GABRA3: variants seen among roughly 807,000 people sequenced by gnomAD.
GABRA3 encodes gamma-aminobutyric acid receptor subunit alpha-3.
A neutral mutation model predicts 30.1 loss-of-function variants in GABRA3; 10 were observed. That is an observed-to-expected ratio of 0.33 (90% confidence interval 0.20 to 0.56). GABRA3 has a LOEUF of 0.56. GABRA3 is among the 20% of genes least tolerant of loss of function. The probability of loss-of-function intolerance (pLI) is 0.89; values close to 1 mark genes in which losing one functional copy is unlikely to be tolerated. For missense variants in GABRA3, 233 were observed against 392.0 expected, an observed-to-expected ratio of 0.59 and a Z score of 3.42; for synonymous variants, 151 against 146.8, an observed-to-expected ratio of 1.03 and a Z score of -0.21.
chrX:152,266,432 C>G (rs764187525), intron 4 of GABRA3, among the ~76,000 whole-genome samples: 1 of 112,048 alleles, frequency 8.9e-6, no homozygotes, highest in African/African-American at 3.2e-5. Context: ...AATTCAACAT[C>G]CCTTCATCAT....
chrX:152,339,408 G>A (rs1031658710), intron 3 of GABRA3, among the ~76,000 whole-genome samples: 5 of 109,977 alleles, frequency 4.5e-5, no homozygotes, highest in Non-Finnish European at 7.6e-5. Context: ...TAGTAGAGAC[G>A]GGGTTTCACC....
At chrX:152,449,604 C>G (rs970545975) in intron 1 of GABRA3, among the ~76,000 whole-genome samples, 1 of 111,174 alleles carries the variant, frequency 9.0e-6, no homozygotes, top group African/African-American at 3.3e-5. Flanking sequence ...TGAAGCCCGG[C>G]TCCAGGCTGA....
chrX:152,417,576 G>A (rs1446288858), intron 1 of GABRA3, among the ~76,000 whole-genome samples: 8 of 91,541 alleles, frequency 8.7e-5, no homozygotes, highest in Admixed American at 2.5e-4. Context: ...ACATGCACAC[G>A]TATGTTTATT....
chrX:152,283,947 T>C (rs1939243290), intron 4 of GABRA3, among the ~76,000 whole-genome samples: 1 of 111,952 alleles, frequency 8.9e-6, no homozygotes, highest in Admixed American at 9.5e-5. Context: ...TTTTTGTGTC[T>C]CTAAATCATA....
chrX:152,173,012 C>A (rs930326378), intron 9 of GABRA3, among the ~76,000 whole-genome samples: 3 of 110,704 alleles, frequency 2.7e-5, no homozygotes, highest in African/African-American at 9.9e-5. Flanking sequence ...AAATCAGAGA[C>A]CCTGCCCTCA....
At chrX:152,450,988 A>ACCAG in intron 1 of GABRA3, among the ~76,000 whole-genome samples, 158 bp downstream of exon 1, 1 of 112,856 alleles carries the variant, frequency 8.9e-6, no homozygotes, top group South Asian at 3.6e-4. Flanking sequence ...CTGGGCTTCC[A>ACCAG]CCAGCCCCAC....
intron 1 of GABRA3, among the ~76,000 whole-genome samples, chrX:152,368,439 G>A (rs1026691293): frequency 9.0e-6 from 1 of 110,720 alleles, no homozygotes; most frequent in Non-Finnish European, 1.9e-5. Flanking sequence ...TGTACTATAG[G>A]TTCATCCATG....
intron 1 of GABRA3, among the ~76,000 whole-genome samples, chrX:152,400,116 T>C (rs1336223096): frequency 7.2e-5 from 8 of 111,717 alleles, no homozygotes; most frequent in Non-Finnish European, 1.5e-4. Flanking sequence ...ATATATAAAA[T>C]ATTTTCTCAC....
At chrX:152,310,012 T>G in intron 3 of GABRA3, among the ~76,000 whole-genome samples, 1 of 111,956 alleles carries the variant, frequency 8.9e-6, no homozygotes, top group Non-Finnish European at 1.9e-5. Context: ...GACTTTGAAC[T>G]GACAATGATA....
At chrX:152,190,825 T>A (rs1260160096) in intron 8 of GABRA3, among the ~76,000 whole-genome samples, 1 of 109,665 alleles carries the variant, frequency 9.1e-6, no homozygotes, top group Non-Finnish European at 1.9e-5. Context: ...ATTTAAATTA[T>A]ATTTTACATT....
At chrX:152,342,516 T>C (rs1940330447) in intron 3 of GABRA3, among the ~76,000 whole-genome samples, 1 of 111,154 alleles carries the variant, frequency 9.0e-6, no homozygotes, top group Admixed American at 9.6e-5. Context: ...TGCTATATCC[T>C]TAGGCTTATT....
intron 3 of GABRA3, among the ~76,000 whole-genome samples, chrX:152,330,477 A>G (rs979831437): frequency 8.9e-6 from 1 of 112,342 alleles, no homozygotes; most frequent in African/African-American, 3.2e-5. Context: ...AGACTGGATT[A>G]AGAAAATGTG....
chrX:152,420,119 C>A (rs1402854477), intron 1 of GABRA3, among the ~76,000 whole-genome samples: 2 of 111,313 alleles, frequency 1.8e-5, no homozygotes, highest in African/African-American at 6.5e-5. Context: ...AAAATGGAAA[C>A]TTCTTAATCT....
intron 8 of GABRA3, 151 bp from the exon 9 acceptor site, chrX:152,190,092 C>G (rs191170633): frequency 3.9e-5 from 17 of 436,051 alleles, no homozygotes; most frequent in Non-Finnish European, 5.4e-5. Context: ...AAACACTGGA[C>G]TATCAAATCT....
intron 5 of GABRA3, among the ~76,000 whole-genome samples, chrX:152,248,925 C>T (rs1429299688): frequency 9.0e-6 from 1 of 111,679 alleles, no homozygotes; most frequent in Non-Finnish European, 1.9e-5. Context: ...TCATGTTGTA[C>T]ACAGTAAATA....
intron 9 of GABRA3, among the ~76,000 whole-genome samples, chrX:152,183,831 G>A (rs1937218067): frequency 9.0e-6 from 1 of 110,988 alleles, no homozygotes; most frequent in Non-Finnish European, 1.9e-5. Flanking sequence ...GGAGAATGTT[G>A]TTTAATTTTC....
intron 5 of GABRA3, among the ~76,000 whole-genome samples, chrX:152,246,482 A>C (rs1938462126): frequency 9.0e-6 from 1 of 111,706 alleles, no homozygotes; most frequent in African/African-American, 3.3e-5. Context: ...CATGTCCCCA[A>C]GTTTCAGTGA....
intron 6 of GABRA3, among the ~76,000 whole-genome samples, chrX:152,222,347 T>C (rs992876271): frequency 1.1e-4 from 12 of 106,909 alleles, no homozygotes; most frequent in African/African-American, 2.7e-4. Context: ...AATCTATCCA[T>C]TGAATTCGAA....
At chrX:152,413,969 T>A (rs1445051552) in intron 1 of GABRA3, among the ~76,000 whole-genome samples, 1 of 110,206 alleles carries the variant, frequency 9.1e-6, no homozygotes, top group Non-Finnish European at 1.9e-5. Context: ...GAAAAAAAAA[T>A]TTATTTCTAT....
Sources: allele counts gnomAD v4.1 joint callset (sites outside exome capture counted in the v4.1 genomes callset), GRCh38; gene constraint gnomAD v4.1.1; transcripts MANE v1.5; gene names NCBI Gene and HGNC (gene_info 2026-07-23, HGNC 2026-07-21).